The following CCDC85A variants were observed in gnomAD, a reference collection of about 807,000 sequenced individuals.
The protein encoded by CCDC85A is coiled-coil domain containing 85A.
In CCDC85A, 38 loss-of-function variants were observed where a neutral mutation model predicts 50.2. That is an observed-to-expected ratio of 0.76 (90% CI 0.58 to 0.99). The LOEUF (loss-of-function observed/expected upper bound fraction) is 0.99, where lower values mean the gene tolerates loss of function less well. Among genes scored for constraint, CCDC85A ranks in the 50% least tolerant of loss-of-function variants. The probability of loss-of-function intolerance (pLI) is 0.00; values close to 1 mark genes in which losing one functional copy is unlikely to be tolerated. For missense variants in CCDC85A, 820 were observed against 742.0 expected, an observed-to-expected ratio of 1.11 and a Z score of -1.22; for synonymous variants, 366 against 301.4, an observed-to-expected ratio of 1.21 and a Z score of -2.22.
chr2:56,277,121 C>T (rs1203556909), intron 2 of CCDC85A, among the ~76,000 whole-genome samples: 1 of 152,142 alleles, frequency 6.6e-6, no homozygotes, highest in Non-Finnish European at 1.5e-5. Context: ...CATTCTTTCA[C>T]AATAGCTCAG....
chr2:56,310,340 A>C (rs1438956808), intron 2 of CCDC85A, among the ~76,000 whole-genome samples: 1 of 152,168 alleles, frequency 6.6e-6, no homozygotes, highest in Non-Finnish European at 1.5e-5. Flanking sequence ...GATACTGAGG[A>C]GGTTAGCTCA....
At chr2:56,287,208 G>C (rs1405899877) in intron 2 of CCDC85A, among the ~76,000 whole-genome samples, 1 of 152,144 alleles carries the variant, frequency 6.6e-6, no homozygotes, top group Non-Finnish European at 1.5e-5. Flanking sequence ...AGGACTCATG[G>C]GAGACCTTCA....
At chr2:56,285,542 TATATA>T (rs926469688) in intron 2 of CCDC85A, among the ~76,000 whole-genome samples, 6 of 146,266 alleles carry the variant, frequency 4.1e-5, no homozygotes, top group South Asian at 4.2e-4. Flanking sequence ...ATATTATTTA[TATATA>T]ATATAACATA....
intron 5 of CCDC85A, among the ~76,000 whole-genome samples, chr2:56,383,989 T>A (rs1676712273): frequency 6.6e-6 from 1 of 151,890 alleles, no homozygotes; most frequent in Admixed American, 6.6e-5. Context: ...GCAGTCAGAG[T>A]TGGGGACCAC....
intron 3 of CCDC85A, among the ~76,000 whole-genome samples, chr2:56,365,913 T>A (rs1675767650): frequency 6.6e-6 from 1 of 152,150 alleles, no homozygotes; most frequent in African/African-American, 2.4e-5. Flanking sequence ...TCCTTCTCCT[T>A]CCCAATCCCC....
At chr2:56,204,177 G>C (rs913479557) in intron 2 of CCDC85A, among the ~76,000 whole-genome samples, 1 of 151,944 alleles carries the variant, frequency 6.6e-6, no homozygotes, top group Non-Finnish European at 1.5e-5. Flanking sequence ...ATAATCATCT[G>C]TTAACATCAT....
intron 2 of CCDC85A, among the ~76,000 whole-genome samples, chr2:56,219,576 C>G (rs1043227875): frequency 1.3e-5 from 2 of 151,718 alleles, no homozygotes; most frequent in African/African-American, 4.8e-5. Flanking sequence ...TTGCCTATTT[C>G]CTCTGTCTAG....
intron 2 of CCDC85A, among the ~76,000 whole-genome samples, chr2:56,309,029 G>T (rs1416481828): frequency 6.6e-6 from 1 of 152,182 alleles, no homozygotes; most frequent in Non-Finnish European, 1.5e-5. Flanking sequence ...TGGGACTTGG[G>T]ATTGTGCTCT....
intron 2 of CCDC85A, among the ~76,000 whole-genome samples, chr2:56,288,996 T>A (rs1350513966): frequency 6.6e-6 from 1 of 152,138 alleles, no homozygotes; most frequent in African/African-American, 2.4e-5. Flanking sequence ...AGAGTTTCAA[T>A]AATGTAAGCA....
chr2:56,385,251 C>T lies in CCDC85A; in HGVS notation c.*896C>T, dbSNP rs1486329641. On this transcript the variant is annotated 3_prime_UTR_variant, in exon 6 of 6. Coordinates refer to ENST00000407595, the MANE Select transcript of CCDC85A (RefSeq NM_001080433.2). ...CTAGACATGCTGTATATTTAATAAA[C>T]TTTATGTAAACTTTAAAATATTGCA... 6.6e-6 allele frequency: 1 copy of T among 152,160 alleles called. No individual in the cohort carries two copies. Among genetic ancestry groups the T allele is most frequent in the Non-Finnish European group, 1.5e-5 (1 of 67,798 alleles). The allele number at this position is 152,160 out of a possible 1,614,324, so 9.4% of individuals were successfully genotyped here.
intron 2 of CCDC85A, among the ~76,000 whole-genome samples, chr2:56,250,653 T>C (rs1232165517): frequency 6.6e-6 from 1 of 152,100 alleles, no homozygotes; most frequent in Non-Finnish European, 1.5e-5. Flanking sequence ...AAATGACATA[T>C]TATAGGAAGG....
Position 56,356,953 on chromosome 2 carries a change from CCT to C in CCDC85A, c.1317+13999_1317+14000del, listed in dbSNP as rs369158189. On this transcript the variant is annotated intron_variant, in intron 3 of 5. Coordinates refer to ENST00000407595, the MANE Select transcript of CCDC85A (RefSeq NM_001080433.2). Reference sequence around the variant, plus strand: ...AGTAGGCCAGGCGTGGTGGTGGGCACCTGTAGTCCCAGCTATTCGGGAGGTTG... The same window carrying C: ...AGTAGGCCAGGCGTGGTGGTGGGCACGTAGTCCCAGCTATTCGGGAGGTTG... Among the ~76,000 whole-genome samples, 1,094 of 151,724 alleles carry C rather than the reference CCT, an allele frequency of 7.2e-3. 7 individuals carry two copies. The highest frequency in any genetic ancestry group is 0.02 in the South Asian group (96 of 4,792).
chr2:56,261,411 A>G (rs948465572), intron 2 of CCDC85A, among the ~76,000 whole-genome samples: 1 of 152,156 alleles, frequency 6.6e-6, no homozygotes, highest in Non-Finnish European at 1.5e-5. Flanking sequence ...TAAACACTCA[A>G]ACGTTTATCA....
intron 2 of CCDC85A, among the ~76,000 whole-genome samples, chr2:56,245,940 C>T (rs998874230): frequency 1.3e-5 from 2 of 152,134 alleles, no homozygotes; most frequent in Non-Finnish European, 2.9e-5. Flanking sequence ...TATAAATTAC[C>T]GAGTCTCAGG....
intron 1 of CCDC85A, among the ~76,000 whole-genome samples, chr2:56,189,453 G>A (rs758291726): frequency 6.6e-6 from 1 of 151,748 alleles, no homozygotes; most frequent in Non-Finnish European, 1.5e-5. Flanking sequence ...CACCATGCTT[G>A]GCTAATTTTT....
intron 3 of CCDC85A, among the ~76,000 whole-genome samples, chr2:56,347,917 C>T (rs1265110902): frequency 2.0e-5 from 3 of 152,098 alleles, no homozygotes; most frequent in Non-Finnish European, 2.9e-5. Flanking sequence ...GCAGTGAGGC[C>T]TATTCAACTA....
intron 2 of CCDC85A, among the ~76,000 whole-genome samples, chr2:56,216,391 A>G (rs1274159438): frequency 2.0e-5 from 3 of 151,816 alleles, no homozygotes; most frequent in Non-Finnish European, 2.9e-5. Flanking sequence ...ATATATATTA[A>G]GTAGACTATC....
chr2:56,309,181 A>G (rs1672579697), intron 2 of CCDC85A, among the ~76,000 whole-genome samples: 1 of 152,168 alleles, frequency 6.6e-6, no homozygotes, highest in African/African-American at 2.4e-5. Flanking sequence ...TATAGAGTAA[A>G]ATTTCAGAGT....
chr2:56,351,443 G>T (rs978514279), intron 3 of CCDC85A, among the ~76,000 whole-genome samples: 3 of 145,050 alleles, frequency 2.1e-5, no homozygotes, highest in Admixed American at 6.8e-5. Flanking sequence ...TTCCACAATG[G>T]TTGAACTAGT....
Sources: allele counts gnomAD v4.1 joint callset (sites outside exome capture counted in the v4.1 genomes callset), GRCh38; gene constraint gnomAD v4.1.1; transcripts MANE v1.5; gene names NCBI Gene and HGNC (gene_info 2026-07-23, HGNC 2026-07-21).